SIX4: variants seen among roughly 807,000 people sequenced by gnomAD.
SIX4 encodes homeobox protein SIX4.
In SIX4, 23 loss-of-function variants were observed where a neutral mutation model predicts 51.5. The ratio of observed to expected loss-of-function variants is 0.45; its 90% CI spans 0.32 to 0.63. SIX4 has a LOEUF of 0.63. Ranked by LOEUF, SIX4 falls within the 30% of genes least tolerant of loss-of-function variation. The pLI is 0.04. For missense variants in SIX4, 867 were observed against 984.0 expected, an observed-to-expected ratio of 0.88 and a Z score of 1.59; for synonymous variants, 413 against 417.3, an observed-to-expected ratio of 0.99 and a Z score of 0.13.
chr14:60,719,785 G>T lies in SIX4; in HGVS notation c.1524C>A (p.Pro508=). Residue 508 remains proline (P), a synonymous_variant, in exon 2 of 3, where the codon CCC becomes CCA. Transcript: ENST00000216513. The surrounding 1 kb of genome is among the most constrained non-coding windows in gnomAD (Gnocchi z 4.9). ...CTTGTGAAGCTGCCACTGACACAGGGGGCAGCTGCAGTGGAGAGAATCCAA... is the reference window on the plus strand; with the variant it reads ...CTTGTGAAGCTGCCACTGACACAGGTGGCAGCTGCAGTGGAGAGAATCCAA... ...GSIGFSPLQL[P]PVSVAASQGN... is the part of the protein sequence containing the mutation. 6.2e-7 allele frequency: 1 copy of T among 1,614,054 alleles called. No homozygotes were observed. Among genetic ancestry groups the T allele is most frequent in the Non-Finnish European group, 8.5e-7 (1 of 1,179,966 alleles).
intron 2 of SIX4, among the ~76,000 whole-genome samples, chr14:60,716,797 T>C (rs1215782715): frequency 6.6e-6 from 1 of 152,244 alleles, no homozygotes; most frequent in Non-Finnish European, 1.5e-5. Flanking sequence ...TCACCTCTAT[T>C]GATAAATAAG....
chr14:60,716,133 T>C (rs1467583060), intron 2 of SIX4, among the ~76,000 whole-genome samples: 1 of 151,946 alleles, frequency 6.6e-6, no homozygotes, highest in Non-Finnish European at 1.5e-5. Context: ...CCCAAAGTGC[T>C]GGGATTATGT....
Position 60,711,100 on chromosome 14 carries a change from G to A in SIX4, c.*2307C>T, listed in dbSNP as rs924212588. On this transcript the variant is annotated 3_prime_UTR_variant, in exon 3 of 3. Coordinates refer to ENST00000216513, the MANE Select transcript of SIX4 (RefSeq NM_017420.5). ...TGAAAATAACAAACTCTTGATATCT[G>A]CAGCAATCAAGTGGAAAACATCATT... 6.6e-5 allele frequency: 10 copies of A among 151,850 alleles called. No homozygotes were observed. Among genetic ancestry groups the A allele is most frequent in the African/African-American group, 1.9e-4 (8 of 41,210 alleles). The allele number at this position is 151,850 out of a possible 1,614,324, so 9.4% of individuals were successfully genotyped here.
At chr14:60,714,288 A>T in intron 2 of SIX4, 85 bp from the exon 3 acceptor site, 1 of 1,200,380 alleles carries the variant, frequency 8.3e-7, no homozygotes, top group Non-Finnish European at 1.1e-6. Context: ...TCTCAGGTAC[A>T]GTATCTATAA....
rs1164235213 is a variant in SIX4, at chr14:60,722,302, A to G, written c.863+910T>C. Among the ~76,000 whole-genome samples, 1 of 152,102 alleles carries G rather than the reference A, an allele frequency of 6.6e-6. No individual in the cohort carries two copies. Among genetic ancestry groups the G allele is most frequent in the Non-Finnish European group, 1.5e-5 (1 of 68,008 alleles). ...GGTATTTTTTTTACCAGAGGGGGAA[A>G]GCAGTCTGCCAGGCAAAAAGCTCAA... On this transcript the variant is annotated intron_variant, in intron 1 of 2. Coordinates refer to ENST00000216513, the MANE Select transcript of SIX4 (RefSeq NM_017420.5). The surrounding 1 kb of genome is among the most constrained non-coding windows in gnomAD (Gnocchi z 5.9).
intron 2 of SIX4, among the ~76,000 whole-genome samples, chr14:60,715,130 A>G (rs143496701): frequency 6.6e-6 from 1 of 151,768 alleles, no homozygotes; most frequent in African/African-American, 2.4e-5. Flanking sequence ...TTAGAAGCCA[A>G]GTGTGAAAAA....
chr14:60,723,519 A>C lies in SIX4; in HGVS notation c.556T>G (p.Trp186Gly). Residue 186 changes from tryptophan to glycine, a missense_variant, in exon 1 of 3, where the codon TGG (tryptophan) becomes GGG (glycine). Transcript: ENST00000216513. ...SANHPLLQQL[W>G]YKARYTEAER... ...GCCTCGGTGTAGCGCGCCTTGTACCAGAGCTGCTGCAGCAGCGGGTGGTTG... is the reference window on the plus strand; with the variant it reads ...GCCTCGGTGTAGCGCGCCTTGTACCCGAGCTGCTGCAGCAGCGGGTGGTTG... 6.2e-7 allele frequency: 1 copy of C among 1,606,976 alleles called. No individual in the cohort carries two copies. The highest frequency in any genetic ancestry group is 8.5e-7 in the Non-Finnish European group (1 of 1,179,362).
rs779954666 is a variant in SIX4 at position 60,719,460 on chromosome 14, CTGAT to C, written c.1549+296_1549+299del. On this transcript the variant is annotated intron_variant, in intron 2 of 2. Transcript: ENST00000216513. The surrounding 1 kb of genome is among the most constrained non-coding windows in gnomAD (Gnocchi z 4.9). ...CAAGCAGTGAGTTATTTTGTAAGCA[CTGAT>C]TGACTTATCATATTTCTGTAATTGT... is the stretch of plus-strand genomic sequence containing the variant. 2.6e-5 allele frequency among the ~76,000 whole-genome samples: 4 copies of C among 152,196 alleles called. No homozygotes were observed. Among genetic ancestry groups the C allele is most frequent in the Non-Finnish European group, 4.4e-5 (3 of 68,030 alleles).
chr14:60,722,120 C>A lies in SIX4; in HGVS notation c.863+1092G>T, dbSNP rs926017412. Among the ~76,000 whole-genome samples the A allele has an allele frequency of 6.6e-6, 1 of 152,180 alleles. No homozygotes were observed. Among genetic ancestry groups the A allele is most frequent in the East Asian group, 1.9e-4 (1 of 5,178 alleles). ...AGTTTGCTTCCCCGAGAAGAACCTT[C>A]GAGCTGCTTTTGGATTCTTTCTCTC... is the stretch of plus-strand genomic sequence containing the variant. On this transcript the variant is annotated intron_variant, in intron 1 of 2. Coordinates refer to ENST00000216513, the MANE Select transcript of SIX4 (RefSeq NM_017420.5). This position sits in a 1 kb window ranked among gnomAD's most constrained non-coding sequence, Gnocchi z 5.9.
chr14:60,723,356 T>G lies in SIX4; in HGVS notation c.719A>C (p.Glu240Ala). The G allele has an allele frequency of 6.2e-7, 1 of 1,612,010 alleles. No individual in the cohort carries two copies. Among genetic ancestry groups the G allele is most frequent in the African/African-American group, 1.3e-5 (1 of 74,844 alleles). Residue 240 changes from glutamate to alanine, a missense_variant, in exon 1 of 3, where the codon GAG becomes GCG. Transcript: ENST00000216513. ...FKEKSRNALKELYKQNRYPSP... is the reference protein window; with the variant it reads ...FKEKSRNALKALYKQNRYPSP... ...AGGGTAGCGATTCTGCTTGTAGAGC[T>G]CCTTGAGCGCGTTGCGCGACTTCTC...
chr14:60,714,911 A>G (rs138466810), intron 2 of SIX4, among the ~76,000 whole-genome samples: 5,111 of 138,364 alleles, frequency 0.037, 253 homozygotes, highest in African/African-American at 0.12. Context: ...TGATCCACCC[A>G]CCTCGGCCTC....
At position 60,723,654 on chromosome 14, in the gene SIX4, G is replaced by C. The variant is rs758171916; in HGVS notation, c.421C>G (p.Leu141Val). ...AGCAGGCTCTCGTTGCCACGTAGCA[G>C]GTCGCTCTGGGGCAGGGACCACAGG... ...RFLWSLPQSD[L>V]LRGNESLLKA... The change falls in exon 1 of 3, where the codon CTG becomes GTG. Residue 141 changes from leucine to valine, a missense_variant. Coordinates refer to ENST00000216513, the MANE Select transcript of SIX4 (RefSeq NM_017420.5). The C allele has an allele frequency of 1.9e-6, 3 of 1,591,136 alleles. No homozygotes were observed. Among genetic ancestry groups the C allele is most frequent in the Admixed American group, 3.6e-5 (2 of 56,012 alleles).
At position 60,723,870 on chromosome 14, in the gene SIX4, CCT is replaced by C; in HGVS notation, c.203_204del (p.Glu68GlyfsTer221). ...GCCGCCGCCGCCGCCACTGCCCCTT[CCT>C]CTCCGCTCACCCTGGCGGCAGCGGT... ...AATAAARVSG[E>X]EGAVAAAAAG... On this transcript the variant is annotated frameshift_variant, in exon 1 of 3. Coordinates refer to ENST00000216513, the MANE Select transcript of SIX4 (RefSeq NM_017420.5). LOFTEE classifies it high-confidence loss of function. 1 of 1,545,058 alleles carries C rather than the reference CCT, an allele frequency of 6.5e-7. No homozygotes were observed. The highest frequency in any genetic ancestry group is 1.4e-5 in the African/African-American group (1 of 70,636).
chr14:60,718,024 A>G, intron 2 of SIX4: 1 of 219,090 alleles, frequency 4.6e-6, no homozygotes. Flanking sequence ...AATAATAATA[A>G]TAATAATAAT....
chr14:60,723,334 G>T lies in SIX4; in HGVS notation c.741C>A (p.Tyr247Ter). 6.2e-7 allele frequency: 1 copy of T among 1,612,566 alleles called. No individual in the cohort carries two copies. The highest frequency in any genetic ancestry group is 8.5e-7 in the Non-Finnish European group (1 of 1,179,970). ...GGTGCCGCTTCTCGGCGGGCGAAGG[G>T]TAGCGATTCTGCTTGTAGAGCTCCT... ...ALKELYKQNR[Y>*]PSPAEKRHLA... Residue 247 changes from tyrosine (Y) to a stop codon, truncating the protein, a stop_gained, in exon 1 of 3, where the codon TAC (tyrosine) becomes TAA (stop). Transcript: ENST00000216513. LOFTEE classifies it high-confidence loss of function.
intron 1 of SIX4, among the ~76,000 whole-genome samples, chr14:60,721,713 C>T: frequency 6.6e-6 from 1 of 152,196 alleles, no homozygotes; most frequent in East Asian, 1.9e-4. Flanking sequence ...CGAGCGGAGG[C>T]GGCGGAGCAG....
At position 60,713,409 on chromosome 14, in the gene SIX4, A is replaced by G. The variant is rs762818013; in HGVS notation, c.2344T>C (p.Ter782ArgextTer44). 1.3e-6 allele frequency: 2 copies of G among 1,586,564 alleles called. No individual in the cohort carries two copies. Among genetic ancestry groups the G allele is most frequent in the South Asian group, 1.2e-5 (1 of 86,556 alleles). ...AAGAGGTGAGGAGGAAATAAAGTTC[A>G]TAAGTCTTGCATATCTTCATCCAGC... ...VQLDEDMQDL[*>R] The change falls in exon 3 of 3, where the codon TGA (stop) becomes CGA (arginine). Residue 782 changes from the stop codon to arginine (R), a stop_lost. Transcript: ENST00000216513.
chr14:60,720,350 G>C lies in SIX4; in HGVS notation c.959C>G (p.Thr320Ser). Residue 320 changes from threonine to serine, a missense_variant, in exon 2 of 3, where the codon ACC (threonine) becomes AGC (serine). Physicochemically the swap from Thr to Ser is moderately conservative, Grantham distance 58. Coordinates refer to ENST00000216513, the MANE Select transcript of SIX4 (RefSeq NM_017420.5). This position sits in a 1 kb window ranked among gnomAD's most constrained non-coding sequence, Gnocchi z 5.5. ...CATATGACTGGAAAGGCTGAGGTTGGTGATGCCATCAGATGAACTGGAGAG... is the reference window on the plus strand; with the variant it reads ...CATATGACTGGAAAGGCTGAGGTTGCTGATGCCATCAGATGAACTGGAGAG... The part of the protein sequence containing the change: ...HPLSSSSDGI[T>S]NLSLSSHMEP... 1.2e-6 allele frequency: 2 copies of C among 1,614,160 alleles called. No individual in the cohort carries two copies. The highest frequency in any genetic ancestry group is 3.3e-4 in the Middle Eastern group (2 of 6,062).
rs367569463 is a variant in SIX4, at chr14:60,722,701, A to C, written c.863+511T>G. On this transcript the variant is annotated intron_variant, in intron 1 of 2. Coordinates refer to ENST00000216513, the MANE Select transcript of SIX4 (RefSeq NM_017420.5). The surrounding 1 kb of genome is among the most constrained non-coding windows in gnomAD (Gnocchi z 5.9). Reference sequence around the variant, plus strand: ...GAGCAGCCACCGCGACCTCCAGCGCAGGCCCGGGGGGCGGCTGAACCCTGG... The same window carrying C: ...GAGCAGCCACCGCGACCTCCAGCGCCGGCCCGGGGGGCGGCTGAACCCTGG... 2.6e-5 allele frequency among the ~76,000 whole-genome samples: 4 copies of C among 152,026 alleles called. No homozygotes were observed. Among genetic ancestry groups the C allele is most frequent in the South Asian group, 4.2e-4 (2 of 4,784 alleles).
Sources: allele counts gnomAD v4.1 joint callset (sites outside exome capture counted in the v4.1 genomes callset), GRCh38; gene constraint gnomAD v4.1.1; non-coding constraint Gnocchi (gnomAD v3.1); transcripts MANE v1.5; gene names NCBI Gene and HGNC (gene_info 2026-07-23, HGNC 2026-07-21).